The following ZZZ3 variants were observed in gnomAD, a reference collection of about 807,000 sequenced individuals.
The protein encoded by ZZZ3 is ZZ-type zinc finger-containing protein 3.
A neutral mutation model predicts 95.2 loss-of-function variants in ZZZ3; 22 were observed. The ratio of observed to expected loss-of-function variants is 0.23; its 90% CI spans 0.17 to 0.33. The LOEUF (loss-of-function observed/expected upper bound fraction) is 0.33, where lower values mean the gene tolerates loss of function less well. Ranked by LOEUF, ZZZ3 falls within the 10% of genes least tolerant of loss-of-function variation. The probability of loss-of-function intolerance (pLI) is 1.00; values close to 1 mark genes in which losing one functional copy is unlikely to be tolerated. For synonymous variants in ZZZ3, 335 were observed against 358.9 expected, an observed-to-expected ratio of 0.93 and a Z score of 0.75; for missense variants, 885 against 1,066.5, an observed-to-expected ratio of 0.83 and a Z score of 2.37.
intron 4 of ZZZ3, among the ~76,000 whole-genome samples, chr1:77,638,837 T>C (rs1010657032): frequency 2.0e-5 from 3 of 152,224 alleles, no homozygotes; most frequent in African/African-American, 7.2e-5. Flanking sequence ...GAGGCCATGT[T>C]TGTCATATAA....
chr1:77,618,857 A>G (rs1210490892), intron 5 of ZZZ3, among the ~76,000 whole-genome samples: 1 of 152,210 alleles, frequency 6.6e-6, no homozygotes, highest in Non-Finnish European at 1.5e-5. Context: ...TATAACCTTC[A>G]AAAAATGGTC....
chr1:77,607,821 G>A (rs1217728689), intron 5 of ZZZ3, among the ~76,000 whole-genome samples: 1 of 151,566 alleles, frequency 6.6e-6, no homozygotes, highest in Admixed American at 6.6e-5. Context: ...GTGGGAGGCT[G>A]ACGCAGGAGA....
At chr1:77,623,901 A>G (rs1667101988) in intron 5 of ZZZ3, among the ~76,000 whole-genome samples, 1 of 152,200 alleles carries the variant, frequency 6.6e-6, no homozygotes, top group African/African-American at 2.4e-5. Flanking sequence ...TTAAACAAAC[A>G]AAAAGATTCC....
At chr1:77,605,838 GCAGGTAGTA>G (rs1665174566) in intron 5 of ZZZ3, among the ~76,000 whole-genome samples, 1 of 152,130 alleles carries the variant, frequency 6.6e-6, no homozygotes, top group African/African-American at 2.4e-5. Context: ...GCAGTGACAC[GCAGGTAGTA>G]CATCATGGGC....
Position 77,632,772 on chromosome 1 carries a change from C to T in ZZZ3, c.583G>A (p.Glu195Lys), listed in dbSNP as rs1445185984. The T allele has an allele frequency of 6.2e-7, 1 of 1,614,182 alleles. No individual in the cohort carries two copies. The highest frequency in any genetic ancestry group is 8.5e-7 in the Non-Finnish European group (1 of 1,180,038). ...TTGACAGCCAAATAGCCTGTGATTT[C>T]TTCAACTACTGCAGAATTAAGTGGC... Reference protein sequence around the residue: ...EGPLNSAVVEEITGYLAVNGV... With the variant: ...EGPLNSAVVEKITGYLAVNGV... The change falls in exon 5 of 15, where the codon GAA (glutamate) becomes AAA (lysine). Residue 195 changes from glutamate to lysine, a missense_variant. Around this residue, in one of 5 missense-constraint regions of ZZZ3, gnomAD observed 556 missense variants for 652.9 expected, o/e 0.85. Transcript: ENST00000370801.
chr1:77,578,931 T>A (rs919628887), intron 10 of ZZZ3, 62 bp from the exon 11 acceptor site: 4 of 965,824 alleles, frequency 4.1e-6, no homozygotes, highest in Non-Finnish European at 5.8e-6. Flanking sequence ...GAGTCGTTTT[T>A]AAAAATTAAA....
chr1:77,677,572 C>T (rs891046580), intron 1 of ZZZ3, among the ~76,000 whole-genome samples: 2 of 152,074 alleles, frequency 1.3e-5, no homozygotes, highest in African/African-American at 4.8e-5. Context: ...TAATATTGTT[C>T]AGTATGTTTT....
chr1:77,566,229 A>T, intron 13 of ZZZ3, 48 bp from the exon 14 acceptor site: 1 of 1,357,812 alleles, frequency 7.4e-7, no homozygotes, highest in Non-Finnish European at 1.0e-6. Flanking sequence ...CTGTTCCACG[A>T]TCTTTTTTAT....
intron 1 of ZZZ3, among the ~76,000 whole-genome samples, chr1:77,662,995 T>C (rs1008386178): frequency 4.6e-5 from 7 of 151,906 alleles, no homozygotes; most frequent in Non-Finnish European, 1.0e-4. Flanking sequence ...GTCCCACCTA[T>C]TCGGGAGGCT....
At position 77,565,496 on chromosome 1, in the gene ZZZ3, AC is replaced by A; in HGVS notation, c.*143del. 1.3e-6 allele frequency: 1 copy of A among 789,160 alleles called. No homozygotes were observed. The highest frequency in any genetic ancestry group is 2.0e-6 in the Non-Finnish European group (1 of 498,190). The allele number at this position is 789,160 out of a possible 1,614,324, so 48.9% of individuals were successfully genotyped here. A position where few individuals can be genotyped will look rare whatever the true frequency, so the allele number is the denominator to read the frequency against. On this transcript the variant is annotated 3_prime_UTR_variant, in exon 15 of 15. Coordinates refer to ENST00000370801, the MANE Select transcript of ZZZ3 (RefSeq NM_015534.6). ...TAGAGCCACAACGGTGCAGAGCTGT[AC>A]TTGACGAGAACACTCAGGAAGCTCT... is the stretch of plus-strand genomic sequence containing the variant.
chr1:77,595,950 C>G (rs141049535), intron 5 of ZZZ3, among the ~76,000 whole-genome samples: 100 of 152,108 alleles, frequency 6.6e-4, no homozygotes, highest in African/African-American at 2.2e-3. Context: ...GAAAAGAGAA[C>G]AGACCTATTT....
At chr1:77,580,058 A>G (rs887471744) in intron 9 of ZZZ3, 1 of 152,944 alleles carries the variant, frequency 6.5e-6, no homozygotes, top group African/African-American at 2.4e-5. Context: ...GACTATTAAA[A>G]GAGGCTTTTC....
chr1:77,578,146 C>T (rs1662149958), intron 11 of ZZZ3, among the ~76,000 whole-genome samples: 1 of 151,830 alleles, frequency 6.6e-6, no homozygotes, highest in African/African-American at 2.4e-5. Context: ...GGCTCAGAGC[C>T]CTCAATATAA....
chr1:77,609,454 C>T (rs1665562382), intron 5 of ZZZ3, among the ~76,000 whole-genome samples: 1 of 152,066 alleles, frequency 6.6e-6, no homozygotes, highest in Admixed American at 6.5e-5. Flanking sequence ...GATTTCAACA[C>T]CCCACTTTCA....
intron 1 of ZZZ3, among the ~76,000 whole-genome samples, chr1:77,653,491 C>T (rs997672976): frequency 8.5e-5 from 13 of 152,290 alleles, no homozygotes; most frequent in East Asian, 1.9e-4. Flanking sequence ...CGATGGCTCA[C>T]GCCTGTAATC....
intron 5 of ZZZ3, among the ~76,000 whole-genome samples, chr1:77,601,849 C>G (rs1186596237): frequency 1.3e-5 from 2 of 152,060 alleles, no homozygotes; most frequent in African/African-American, 4.8e-5. Context: ...CCTAAGGTTT[C>G]AAGGGTGGAT....
intron 1 of ZZZ3, among the ~76,000 whole-genome samples, chr1:77,667,797 G>A (rs1374014010): frequency 2.2e-5 from 3 of 133,892 alleles, no homozygotes; most frequent in Non-Finnish European, 3.1e-5. Flanking sequence ...AGAGAGTCTC[G>A]CTCTGTTGCC....
chr1:77,649,677 G>A (rs1438320900), intron 1 of ZZZ3, among the ~76,000 whole-genome samples: 3 of 152,124 alleles, frequency 2.0e-5, no homozygotes, highest in African/African-American at 7.2e-5. Flanking sequence ...GAGGTCGGGA[G>A]CTTGAGACCA....
intron 5 of ZZZ3, among the ~76,000 whole-genome samples, chr1:77,630,104 C>G (rs1667663893): frequency 6.6e-6 from 1 of 152,094 alleles, no homozygotes; most frequent in Non-Finnish European, 1.5e-5. Context: ...TAAAAATTCA[C>G]ATTTCTTTAG....
Sources: gnomAD v4.1 joint callset for allele counts (sites outside exome capture counted in the v4.1 genomes callset) on GRCh38, gnomAD v4.1.1 for gene constraint, gnomAD v4.1.1 regional missense constraint, MANE v1.5 for transcripts, NCBI Gene and HGNC (gene_info 2026-07-23, HGNC 2026-07-21) for gene names.